The following POU2F1 variants were observed in gnomAD, a reference collection of about 807,000 sequenced individuals.
POU2F1 encodes the protein POU class 2 homeobox 1.
POU2F1 carries 16 observed loss-of-function variants against 84.9 expected under a neutral mutation model. The observed-to-expected ratio is 0.19, with a 90% confidence interval of 0.13 to 0.29. The LOEUF is 0.29. Ranked by LOEUF, POU2F1 falls within the 10% of genes least tolerant of loss-of-function variation. The probability of loss-of-function intolerance (pLI) is 1.00; values close to 1 mark genes in which losing one functional copy is unlikely to be tolerated. For missense variants in POU2F1, 738 were observed against 942.6 expected (o/e 0.78, Z 2.84); for synonymous variants, 368 against 368.3 (o/e 1.00, Z 0.01).
chr1:167,375,685 T>A (rs939118210), intron 6 of POU2F1, among the ~76,000 whole-genome samples: 2 of 152,206 alleles, frequency 1.3e-5, no homozygotes, highest in Non-Finnish European at 2.9e-5. Context: ...CAATCAAATA[T>A]TTAAAAACTG....
At chr1:167,352,947 C>A (rs1422316570) in intron 2 of POU2F1, among the ~76,000 whole-genome samples, 1 of 152,192 alleles carries the variant, frequency 6.6e-6, no homozygotes, top group Non-Finnish European at 1.5e-5. Flanking sequence ...GAGCTGAGCG[C>A]TGAAAGACAT....
In POU2F1 at chr1:167,355,164, TTTTC is replaced by T. The variant is rs199981787; in HGVS notation, c.128-10295_128-10292del. 6.1e-3 allele frequency among the ~76,000 whole-genome samples: 930 copies of T among 151,820 alleles called. 7 individuals are homozygous for T. Among genetic ancestry groups the T allele is most frequent in the Non-Finnish European group, 0.01 (682 of 67,914 alleles). On this transcript the variant is annotated intron_variant, in intron 2 of 15. Transcript: ENST00000367866. ...CTTTTAATCCTTCTGAAATTTTCAT[TTTTC>T]TTTCTTTTTTTTTTTTTAGTATAGT...
chr1:167,232,471 A>C (rs770845219), intron 1 of POU2F1, among the ~76,000 whole-genome samples: 2 of 152,172 alleles, frequency 1.3e-5, no homozygotes, highest in African/African-American at 2.4e-5. Context: ...TATAAAGAAA[A>C]ATTTTTTGTA....
chr1:167,380,994 A>C (rs1338944246), intron 7 of POU2F1: 3 of 152,190 alleles, frequency 2.0e-5, no homozygotes, highest in Admixed American at 6.5e-5. Flanking sequence ...AAAAATAATC[A>C]AAGAAATGTT....
At chr1:167,338,617 T>C (rs1227085925) in intron 2 of POU2F1, among the ~76,000 whole-genome samples, 3 of 152,232 alleles carry the variant, frequency 2.0e-5, no homozygotes, top group Non-Finnish European at 4.4e-5. Context: ...GGTAATATTT[T>C]TTATAACATA....
At chr1:167,386,495 T>C (rs1222922097) in intron 8 of POU2F1, among the ~76,000 whole-genome samples, 1 of 152,232 alleles carries the variant, frequency 6.6e-6, no homozygotes, top group African/African-American at 2.4e-5. Flanking sequence ...TGGCAGTTTC[T>C]TATAAAATTA....
intron 1 of POU2F1, among the ~76,000 whole-genome samples, chr1:167,274,826 C>T (rs1324476280): frequency 6.6e-6 from 1 of 152,032 alleles, no homozygotes; most frequent in Admixed American, 6.6e-5. Flanking sequence ...ATGCTTGTTG[C>T]CTTTCATTAA....
rs775369909 is a variant in POU2F1, at chr1:167,412,183, A to C, written c.1780A>C (p.Thr594Pro). The C allele has an allele frequency of 5.6e-6, 9 of 1,613,846 alleles. No individual in the cohort carries two copies. In the South Asian group the frequency reaches 8.8e-5, roughly 16 times the overall value. Residue 594 changes from threonine to proline, a missense_variant, in exon 14 of 16, where the codon ACA becomes CCA. Thr to Pro is a conservative substitution (Grantham distance 38). Transcript: ENST00000367866. ...QVMVTASGLQTAAAAALQGAA... is the reference protein window; with the variant it reads ...QVMVTASGLQPAAAAALQGAA... ...GATGGTGACAGCATCAGGTTTGCAA[A>C]CAGCAGCAGCTGCTGCCCTTCAAGG...
intron 1 of POU2F1, among the ~76,000 whole-genome samples, chr1:167,236,601 C>T (rs10918668): frequency 0.31 from 46,819 of 152,028 alleles, 7,666 homozygotes; most frequent in Middle Eastern, 0.45. Context: ...CCTCCTTCCC[C>T]GCAGCTAATT....
intron 1 of POU2F1, among the ~76,000 whole-genome samples, chr1:167,252,016 G>GTA (rs35801025): frequency 0.036 from 5,228 of 143,784 alleles, 110 homozygotes; most frequent in Admixed American, 0.063. Flanking sequence ...GGCTAATTTT[G>GTA]TATATATATA....
At chr1:167,229,086 A>C (rs750590202) in intron 1 of POU2F1, among the ~76,000 whole-genome samples, 19 of 151,916 alleles carry the variant, frequency 1.3e-4, no homozygotes, top group Non-Finnish European at 2.4e-4. Context: ...TTGGGGCTCT[A>C]TTGTGGAGAG....
In POU2F1 at chr1:167,422,679, G is replaced by GT. The variant is rs1323479806; in HGVS notation, c.*6870dup. On this transcript the variant is annotated 3_prime_UTR_variant, in exon 16 of 16. Transcript: ENST00000367866. ...GGCTCCCTGAGTTCGGATATAGACT[G>GT]TATCTCTAGAAAGGCTATTTTTTTA... 1 of 152,138 alleles carries GT rather than the reference G, an allele frequency of 6.6e-6. No individual in the cohort carries two copies. Among genetic ancestry groups the GT allele is most frequent in the Non-Finnish European group, 1.5e-5 (1 of 68,022 alleles). 9.4% of individuals were successfully genotyped at this position (152,138 alleles called of 1,614,324 possible).
Position 167,415,827 on chromosome 1 carries a change from C to T in POU2F1, c.*17C>T, listed in dbSNP as rs74121903. ...GCACAGTGAGCTGGGCAGAGCTGGG[C>T]TGCCAGAAGCCTTTTTCACTCTGCA... On this transcript the variant is annotated 3_prime_UTR_variant, in exon 16 of 16. Coordinates refer to ENST00000367866, the MANE Select transcript of POU2F1 (RefSeq NM_002697.4). The T allele has an allele frequency of 0.032, 51,000 of 1,601,580 alleles. 1,001 individuals carry two copies. The highest frequency in any genetic ancestry group is 0.038 in the Non-Finnish European group (44,381 of 1,173,086).
At position 167,426,678 on chromosome 1, in the gene POU2F1, G is replaced by C. The variant is rs965013998; in HGVS notation, c.*10868G>C. ...TGTTGTCAAAGGAGGGGCACAAGGG[G>C]AATTGGCCCCCGGCCTCCTAGAACT... On this transcript the variant is annotated 3_prime_UTR_variant, in exon 16 of 16. Transcript: ENST00000367866. The C allele has an allele frequency of 3.3e-5, 5 of 152,158 alleles. No individual in the cohort carries two copies. Among genetic ancestry groups the C allele is most frequent in the African/African-American group, 1.2e-4 (5 of 41,442 alleles). 9.4% of individuals were successfully genotyped at this position (152,158 alleles called of 1,614,324 possible). A position where few individuals can be genotyped will look rare whatever the true frequency, so the allele number is the denominator to read the frequency against.
At chr1:167,291,380 G>A (rs1015874085) in intron 1 of POU2F1, among the ~76,000 whole-genome samples, 1 of 152,142 alleles carries the variant, frequency 6.6e-6, no homozygotes, top group African/African-American at 2.4e-5. Flanking sequence ...ATAGGACAGC[G>A]GTGCTTAAGC....
chr1:167,316,908 T>A (rs1655943424), intron 1 of POU2F1, among the ~76,000 whole-genome samples: 1 of 152,174 alleles, frequency 6.6e-6, no homozygotes, highest in Non-Finnish European at 1.5e-5. Flanking sequence ...TTTTATTTTT[T>A]TGAGATGGAG....
At chr1:167,406,991 CATT>C (rs1317298018) in intron 13 of POU2F1, among the ~76,000 whole-genome samples, 2 of 151,384 alleles carry the variant, frequency 1.3e-5, no homozygotes, top group African/African-American at 2.4e-5. Context: ...GGTTTATCCA[CATT>C]ATAGCATAAA....
chr1:167,336,769 C>T (rs1428800629), intron 2 of POU2F1, among the ~76,000 whole-genome samples: 1 of 152,094 alleles, frequency 6.6e-6, no homozygotes, highest in Non-Finnish European at 1.5e-5. Context: ...TGGCTCATGC[C>T]TGTAATCCCA....
At chr1:167,384,948 A>G (rs1395023970) in intron 8 of POU2F1, among the ~76,000 whole-genome samples, 1 of 152,174 alleles carries the variant, frequency 6.6e-6, no homozygotes, top group Non-Finnish European at 1.5e-5. Context: ...TTGTCTATGT[A>G]GAAAATCTTA....
Sources: allele counts gnomAD v4.1 joint callset (sites outside exome capture counted in the v4.1 genomes callset), GRCh38; gene constraint gnomAD v4.1.1; transcripts MANE v1.5; gene names NCBI Gene and HGNC (gene_info 2026-07-23, HGNC 2026-07-21).